The following SERPINB1 variants were observed in gnomAD, a reference collection of about 807,000 sequenced individuals.
SERPINB1 encodes the protein leukocyte elastase inhibitor.
A neutral mutation model predicts 25.9 loss-of-function variants in SERPINB1; 23 were observed. That is an observed-to-expected ratio of 0.89 (90% CI 0.64 to 1.26). The LOEUF (loss-of-function observed/expected upper bound fraction) is 1.26, where lower values mean the gene tolerates loss of function less well. Among genes scored for constraint, SERPINB1 ranks in the 50% most tolerant of loss-of-function variants. The pLI is 0.00. For synonymous variants in SERPINB1, 178 were observed against 178.7 expected (o/e 1.00, Z 0.03); for missense variants, 399 against 463.6 (o/e 0.86, Z 1.28).
At chr6:2,836,311 C>A (rs1766493484) in intron 4 of SERPINB1, 61 bp from the exon 5 acceptor site, 2 of 1,493,900 alleles carry the variant, frequency 1.3e-6, no homozygotes, top group East Asian at 2.3e-5. Flanking sequence ...TTTGAACTGA[C>A]AATATATTAG....
intron 2 of SERPINB1, 63 bp downstream of exon 2, chr6:2,840,356 T>C (rs754184435): frequency 1.3e-6 from 2 of 1,587,832 alleles, no homozygotes; most frequent in Non-Finnish European, 1.7e-6. Flanking sequence ...AACCTTTCCA[T>C]GCAGACTGTC....
chr6:2,840,334 G>T, intron 2 of SERPINB1, 85 bp downstream of exon 2: 1 of 1,504,218 alleles, frequency 6.6e-7, no homozygotes. Context: ...CAAGGTAAGA[G>T]CTCAAAGGCA....
At chr6:2,839,369 C>T in intron 2 of SERPINB1, 1 of 985,018 alleles carries the variant, frequency 1.0e-6, no homozygotes, top group Non-Finnish European at 1.2e-6. Context: ...GCCTATGCTC[C>T]ATCTGCTTTA....
chr6:2,833,354 A>G lies in SERPINB1; in HGVS notation c.*254T>C. ...GGTCAAGAATCTACGCATCGGATGTATTCTTTTCTTCTTCTTTACTTGATG... is the reference window on the plus strand; with the variant it reads ...GGTCAAGAATCTACGCATCGGATGTGTTCTTTTCTTCTTCTTTACTTGATG... On this transcript the variant is annotated 3_prime_UTR_variant, in exon 7 of 7. Coordinates refer to ENST00000380739, the MANE Select transcript of SERPINB1 (RefSeq NM_030666.4). 2.5e-6 allele frequency: 1 copy of G among 406,246 alleles called. No homozygotes were observed. The highest frequency in any genetic ancestry group is 4.4e-6 in the Non-Finnish European group (1 of 228,836). 25.2% of individuals were successfully genotyped at this position (406,246 alleles called of 1,614,324 possible).
intron 6 of SERPINB1, 111 bp from the exon 7 acceptor site, chr6:2,834,123 T>G: frequency 9.5e-7 from 1 of 1,053,374 alleles, no homozygotes; most frequent in South Asian, 1.7e-5. Context: ...GTTAGTTTCC[T>G]TCATGTTTTG....
In SERPINB1 at chr6:2,833,903, TAACTCTC is replaced by T; in HGVS notation, c.838_844del (p.Glu280ThrfsTer10). 1 of 1,614,174 alleles carries T rather than the reference TAACTCTC, an allele frequency of 6.2e-7. No homozygotes were observed. Among genetic ancestry groups the T allele is most frequent in the Non-Finnish European group, 8.5e-7 (1 of 1,180,036 alleles). Reference sequence around the variant, plus strand: ...GCGGGCGAGGTCGGAGTTGAGAGTGTAACTCTCTTCCAGTTTGAACCTGGGCAAGCTG... The same window carrying T: ...GCGGGCGAGGTCGGAGTTGAGAGTGTTTCCAGTTTGAACCTGGGCAAGCTG... On this transcript the variant is annotated frameshift_variant, in exon 7 of 7. Transcript: ENST00000380739. LOFTEE classifies it low-confidence loss of function (END_TRUNC).
At chr6:2,839,588 C>T in intron 2 of SERPINB1, 3 of 663,092 alleles carry the variant, frequency 4.5e-6, no homozygotes, top group Non-Finnish European at 5.6e-6. Flanking sequence ...GCCCCTTGAA[C>T]TTGAATCCCA....
At chr6:2,839,261 G>C (rs1382982209) in intron 2 of SERPINB1, 1 of 953,988 alleles carries the variant, frequency 1.0e-6, no homozygotes, top group Non-Finnish European at 1.2e-6. Flanking sequence ...GGTTTTATGA[G>C]ACCTAGGCTG....
chr6:2,840,274 G>C, intron 2 of SERPINB1, 145 bp downstream of exon 2: 1 of 934,928 alleles, frequency 1.1e-6, no homozygotes, highest in Non-Finnish European at 1.6e-6. Flanking sequence ...CTGCATACAA[G>C]TGTGACTTTT....
intron 2 of SERPINB1, 87 bp downstream of exon 2, chr6:2,840,332 G>A (rs1355007367): frequency 6.7e-7 from 1 of 1,484,356 alleles, no homozygotes; most frequent in East Asian, 2.3e-5. Context: ...CACAAGGTAA[G>A]AGCTCAAAGG....
chr6:2,833,299 A>G lies in SERPINB1; in HGVS notation c.*309T>C, dbSNP rs1420346238. 4.2e-6 allele frequency: 1 copy of G among 239,044 alleles called. No homozygotes were observed. Among genetic ancestry groups the G allele is most frequent in the East Asian group, 8.5e-5 (1 of 11,732 alleles). The allele number at this position is 239,044 out of a possible 1,614,324, so 14.8% of individuals were successfully genotyped here. A position where few individuals can be genotyped will look rare whatever the true frequency, so the allele number is the denominator to read the frequency against. ...ATCATGTTTTCCCATGGCTATCAGGAGGATATAGCAATTTTATAGATTACT... is the reference window on the plus strand; with the variant it reads ...ATCATGTTTTCCCATGGCTATCAGGGGGATATAGCAATTTTATAGATTACT... On this transcript the variant is annotated 3_prime_UTR_variant, in exon 7 of 7. Transcript: ENST00000380739.
intron 2 of SERPINB1, among the ~76,000 whole-genome samples, chr6:2,839,686 G>C (rs1766591629): frequency 6.6e-6 from 1 of 152,196 alleles, no homozygotes; most frequent in Non-Finnish European, 1.5e-5. Context: ...TTTCTGCTGA[G>C]CTTAGAGAGA....
Position 2,837,973 on chromosome 6 carries a change from T to A in SERPINB1, c.333A>T (p.Thr111=). ...LPEFLVSTQK[T]YGADLASVDF... is the part of the protein sequence containing the mutation. Reference sequence around the variant, plus strand: ...CCACACTGGCCAGGTCAGCACCATATGTTTTCTGAGTCGAAACCAAGAACT... The same window carrying A: ...CCACACTGGCCAGGTCAGCACCATAAGTTTTCTGAGTCGAAACCAAGAACT... The change falls in exon 4 of 7, where the codon ACA becomes ACT. Residue 111 remains threonine (T), a synonymous_variant. Transcript: ENST00000380739. This position sits in a 1 kb window ranked among gnomAD's most constrained non-coding sequence, Gnocchi z 4.3. The A allele has an allele frequency of 6.2e-7, 1 of 1,613,754 alleles. No homozygotes were observed. The highest frequency in any genetic ancestry group is 8.5e-7 in the Non-Finnish European group (1 of 1,179,866).
intron 4 of SERPINB1, among the ~76,000 whole-genome samples, chr6:2,836,562 T>C (rs1766499795): frequency 1.3e-5 from 2 of 151,162 alleles, no homozygotes; most frequent in African/African-American, 4.9e-5. Context: ...ACAATGAGCC[T>C]TATTTTGTAA....
chr6:2,834,299 C>T (rs1259388681), intron 6 of SERPINB1, among the ~76,000 whole-genome samples: 1 of 92,886 alleles, frequency 1.1e-5, no homozygotes, highest in Non-Finnish European at 2.5e-5. Flanking sequence ...GTCCACTCAT[C>T]CATCCATCCA....
chr6:2,839,462 T>A, intron 2 of SERPINB1: 1 of 985,098 alleles, frequency 1.0e-6, no homozygotes, highest in Non-Finnish European at 1.2e-6. Context: ...GGAACTGATA[T>A]AACCCTGCAA....
intron 6 of SERPINB1, 141 bp from the exon 7 acceptor site, chr6:2,834,153 T>C: frequency 1.3e-6 from 1 of 795,830 alleles, no homozygotes; most frequent in Non-Finnish European, 1.9e-6. Flanking sequence ...AGATTCCATT[T>C]GGAGCATTTT....
rs150564609 is a variant in SERPINB1, at chr6:2,836,252, TA to T, written c.425-3del. 138 of 1,572,284 alleles carry T rather than the reference TA, an allele frequency of 8.8e-5. No homozygotes were observed. Among genetic ancestry groups the T allele is most frequent in the Admixed American group, 3.2e-4 (16 of 50,062 alleles). ...AAGCCAACAGTTCCGGAATTTTTCCTAAAAAAAAATCAAGTTAGCGTAAAAA... is the reference window on the plus strand; with the variant it reads ...AAGCCAACAGTTCCGGAATTTTTCCTAAAAAAAATCAAGTTAGCGTAAAAA... On this transcript the variant is annotated splice_region_variant and splice_polypyrimidine_tract_variant and intron_variant, in intron 4 of 6. Transcript: ENST00000380739.
chr6:2,838,929 T>C (rs762890134), intron 2 of SERPINB1, among the ~76,000 whole-genome samples: 1 of 152,230 alleles, frequency 6.6e-6, no homozygotes. Context: ...TTTGTTACAC[T>C]TGCAGTTCCA....
Sources: gnomAD v4.1 joint callset for allele counts (sites outside exome capture counted in the v4.1 genomes callset) on GRCh38, gnomAD v4.1.1 for gene constraint, Gnocchi (gnomAD v3.1) non-coding constraint, MANE v1.5 for transcripts, NCBI Gene and HGNC (gene_info 2026-07-23, HGNC 2026-07-21) for gene names.